Variants in DMD observed in about 807,000 individuals in gnomAD.
DMD encodes the protein mutant dystrophin.
A neutral mutation model predicts 330.1 loss-of-function variants in DMD; 63 were observed. The observed-to-expected ratio is 0.19, with a 90% CI of 0.16 to 0.24. DMD has a LOEUF of 0.24. DMD is among the 10% of genes least tolerant of loss of function. The pLI, the probability that DMD is intolerant of heterozygous loss-of-function variation, is 1.00. For missense variants in DMD, 3,344 were observed against 2,684.1 expected (o/e 1.25, Z -5.43); for synonymous variants, 1,223 against 959.8 (o/e 1.27, Z -5.07).
chrX:31,273,666 G>A (rs1349086788), intron 62 of DMD, among the ~76,000 whole-genome samples: 2 of 111,301 alleles, frequency 1.8e-5, no homozygotes, highest in Non-Finnish European at 3.8e-5. Context: ...GAAGACACCA[G>A]CGTTTTTCTT....
At chrX:33,264,386 G>C (rs1252769153) in intron 1 of DMD, among the ~76,000 whole-genome samples, 1 of 111,489 alleles carries the variant, frequency 9.0e-6, no homozygotes, top group Non-Finnish European at 1.9e-5. Flanking sequence ...TCTAATCTCT[G>C]TAAGCCAAGT....
At chrX:31,963,540 T>C (rs1166412013) in intron 45 of DMD, among the ~76,000 whole-genome samples, 1 of 110,890 alleles carries the variant, frequency 9.0e-6, no homozygotes, top group Admixed American at 9.6e-5. Context: ...GCCAGAAAGG[T>C]GCACACATTC....
At chrX:31,862,656 C>T (rs1172784838) in intron 48 of DMD, among the ~76,000 whole-genome samples, 2 of 112,148 alleles carry the variant, frequency 1.8e-5, no homozygotes, top group Non-Finnish European at 3.8e-5. Flanking sequence ...ATGTAATAAC[C>T]TGCGTTATAT....
intron 2 of DMD, among the ~76,000 whole-genome samples, chrX:32,918,621 CATT>C (rs2088081362): frequency 1.8e-5 from 2 of 111,984 alleles, no homozygotes; most frequent in Admixed American, 9.5e-5. Flanking sequence ...AAAGTGCTGG[CATT>C]ACAGGCATGA....
chrX:33,138,245 T>C (rs2047618318), intron 1 of DMD, among the ~76,000 whole-genome samples: 1 of 112,100 alleles, frequency 8.9e-6, no homozygotes, highest in Admixed American at 9.5e-5. Context: ...CATTTATATA[T>C]ACATTAACTG....
intron 44 of DMD, among the ~76,000 whole-genome samples, chrX:32,098,268 A>G (rs1603625063): frequency 8.9e-6 from 1 of 111,927 alleles, no homozygotes; most frequent in East Asian, 2.8e-4. Flanking sequence ...GTACCATTTT[A>G]GAGAAACAAT....
At chrX:32,866,753 G>GGA (rs2082541722) in intron 2 of DMD, among the ~76,000 whole-genome samples, 1 of 77,519 alleles carries the variant, frequency 1.3e-5, no homozygotes, top group African/African-American at 4.9e-5. Flanking sequence ...GGGGGGGGGG[G>GGA]GACAGAGTTT....
At chrX:33,255,816 TTTG>T (rs1393055571) in intron 1 of DMD, among the ~76,000 whole-genome samples, 1 of 111,793 alleles carries the variant, frequency 8.9e-6, no homozygotes, top group Admixed American at 9.5e-5. Flanking sequence ...ACAAAGCCAA[TTTG>T]ATAAAATATC....
At chrX:32,050,133 CAA>C (rs1264347081) in intron 44 of DMD, among the ~76,000 whole-genome samples, 1 of 111,377 alleles carries the variant, frequency 9.0e-6, no homozygotes, top group Non-Finnish European at 1.9e-5. Context: ...TTTAATAAAA[CAA>C]ATGTGCAGGT....
At chrX:33,026,163 G>A (rs1160676097) in intron 1 of DMD, among the ~76,000 whole-genome samples, 3 of 107,707 alleles carry the variant, frequency 2.8e-5, no homozygotes, top group South Asian at 4.1e-4. Context: ...GTGAAACCCC[G>A]TCTCTACTAA....
At chrX:32,283,070 G>A (rs1426677258) in intron 43 of DMD, among the ~76,000 whole-genome samples, 1 of 111,641 alleles carries the variant, frequency 9.0e-6, no homozygotes, top group African/African-American at 3.3e-5. Context: ...GGGAGGTTTA[G>A]GTTTATACTT....
chrX:32,146,528 T>C (rs1218782264), intron 44 of DMD, among the ~76,000 whole-genome samples: 1 of 111,963 alleles, frequency 8.9e-6, no homozygotes, highest in African/African-American at 3.2e-5. Context: ...TTTTAGAAGA[T>C]ATAAAATAGG....
intron 44 of DMD, among the ~76,000 whole-genome samples, chrX:32,107,839 C>T (rs187732687): frequency 1.4e-4 from 16 of 111,222 alleles, no homozygotes; most frequent in South Asian, 3.8e-4. Flanking sequence ...TTAACCATTA[C>T]GGGCAGTGTT....
intron 54 of DMD, among the ~76,000 whole-genome samples, chrX:31,644,342 A>G (rs2079956307): frequency 8.9e-6 from 1 of 112,082 alleles, no homozygotes; most frequent in African/African-American, 3.2e-5. Flanking sequence ...GCTGCAATGT[A>G]AAAACACACA....
At chrX:32,489,645 T>C (rs1043984550) in intron 20 of DMD, among the ~76,000 whole-genome samples, 8 of 111,507 alleles carry the variant, frequency 7.2e-5, no homozygotes, top group Non-Finnish European at 1.5e-4. Context: ...TGTGGCAGAC[T>C]CAGCTGATTA....
intron 44 of DMD, among the ~76,000 whole-genome samples, chrX:32,117,950 A>C (rs1241772224): frequency 9.0e-6 from 1 of 111,038 alleles, no homozygotes; most frequent in Non-Finnish European, 1.9e-5. Context: ...GGAGCAACTG[A>C]GAAGACTATA....
At chrX:32,549,846 T>C (rs929828885) in intron 16 of DMD, among the ~76,000 whole-genome samples, 1 of 111,462 alleles carries the variant, frequency 9.0e-6, no homozygotes, top group Non-Finnish European at 1.9e-5. Context: ...GTTTAAAAAA[T>C]GCACATTTAA....
intron 12 of DMD, among the ~76,000 whole-genome samples, chrX:32,610,106 C>T (rs748164823): frequency 1.1e-4 from 12 of 111,356 alleles, no homozygotes; most frequent in Non-Finnish European, 1.7e-4. Context: ...GTCAACATCA[C>T]TAATAAATTC....
chrX:33,292,016 T>G, intron 1 of DMD, among the ~76,000 whole-genome samples: 1 of 111,825 alleles, frequency 8.9e-6, no homozygotes. Context: ...TGTATTCCAC[T>G]ACTAATACTG....
Sources: allele counts gnomAD v4.1 joint callset (sites outside exome capture counted in the v4.1 genomes callset), GRCh38; gene constraint gnomAD v4.1.1; transcripts MANE v1.5; gene names NCBI Gene and HGNC (gene_info 2026-07-23, HGNC 2026-07-21).